The following HEATR4 variants were observed in gnomAD, a reference collection of about 807,000 sequenced individuals.
HEATR4 encodes the protein HEAT repeat containing 4.
Under a neutral mutation model 108.8 loss-of-function variants are expected in HEATR4, and 95 were observed. The observed-to-expected ratio is 0.87, with a 90% CI of 0.74 to 1.04. HEATR4 has a LOEUF of 1.04. Ranked by LOEUF, HEATR4 falls within the 50% of genes least tolerant of loss-of-function variation. HEATR4 has a pLI of 0.00. For missense variants in HEATR4, 1,152 were observed against 1,253.8 expected (o/e 0.92, Z 1.23); for synonymous variants, 443 against 459.4 (o/e 0.96, Z 0.46).
Position 73,537,070 on chromosome 14 carries a change from A to AC in HEATR4, c.-151-6827dup, listed in dbSNP as rs1420363949. On this transcript the variant is annotated intron_variant, in intron 1 of 17. Coordinates refer to ENST00000553558, the MANE Select transcript of HEATR4 (RefSeq NM_001220484.1). ...ATGATCTTGGCCAACTGCAAGCTCC[A>AC]CCCCCCGGGATCACGCCATTCTCCT... is the stretch of plus-strand genomic sequence containing the variant. The AC allele has an allele frequency of 4.4e-5, 8 of 181,446 alleles. 2 individuals are homozygous for AC. The highest frequency in any genetic ancestry group is 2.0e-4 in the African/African-American group (7 of 34,710). 11.2% of individuals were successfully genotyped at this position (181,446 alleles called of 1,614,324 possible). A position where few individuals can be genotyped will look rare whatever the true frequency, so the allele number is the denominator to read the frequency against.
intron 2 of HEATR4, among the ~76,000 whole-genome samples, chr14:73,529,379 T>TAAA (rs1566845781): frequency 1.7e-5 from 2 of 116,826 alleles, no homozygotes; most frequent in Non-Finnish European, 1.8e-5. Flanking sequence ...AAAAAAAAAT[T>TAAA]AAGTCAATCC....
chr14:73,617,868 G>A, the HEATR4 span, among the ~76,000 whole-genome samples: 2 of 151,520 alleles, frequency 1.3e-5, no homozygotes, highest in African/African-American at 2.4e-5. Flanking sequence ...ATTTTGGCCA[G>A]GTGCGGTGGC....
At chr14:73,521,930 C>T (rs1023665471) in intron 3 of HEATR4, among the ~76,000 whole-genome samples, 2 of 152,242 alleles carry the variant, frequency 1.3e-5, no homozygotes, top group Non-Finnish European at 2.9e-5. Context: ...TGGTTCCCAG[C>T]TGGGAATGAC....
intron 12 of HEATR4, 117 bp from the exon 13 acceptor site, chr14:73,499,257 G>T: frequency 1.2e-6 from 1 of 838,482 alleles, no homozygotes; most frequent in South Asian, 1.4e-5. Flanking sequence ...AAGGTGGGCG[G>T]ATCACTTGAC....
the HEATR4 span, among the ~76,000 whole-genome samples, chr14:73,567,083 A>G: frequency 6.6e-6 from 1 of 152,030 alleles, no homozygotes; most frequent in Non-Finnish European, 1.5e-5. Context: ...CTGGGATTAC[A>G]GGTGTGAGCC....
rs1293707821 is a variant in HEATR4, at chr14:73,543,968, C to T, written c.-151-13724G>A. Among the ~76,000 whole-genome samples, 6 of 107,012 alleles carry T rather than the reference C, an allele frequency of 5.6e-5. 2 individuals are homozygous for T. Among genetic ancestry groups the T allele is most frequent in the African/African-American group, 8.8e-5 (3 of 34,146 alleles). 70.2% of individuals were successfully genotyped at this position (107,012 alleles called of 152,430 possible). On this transcript the variant is annotated intron_variant, in intron 1 of 17. Coordinates refer to ENST00000553558, the MANE Select transcript of HEATR4 (RefSeq NM_001220484.1). Reference sequence around the variant, plus strand: ...TAACATCAATTAACAGTGTCTGGTACGTAAATGGAGTTCAATAATTATTTG... The same window carrying T: ...TAACATCAATTAACAGTGTCTGGTATGTAAATGGAGTTCAATAATTATTTG...
At position 73,525,004 on chromosome 14, in the gene HEATR4, G is replaced by A. The variant is rs190691499; in HGVS notation, c.-72-1780C>T. Among the ~76,000 whole-genome samples, 3 of 152,156 alleles carry A rather than the reference G, an allele frequency of 2.0e-5. No individual in the cohort carries two copies. The East Asian group carries it at 5.8e-4, about 29-fold the overall frequency. On this transcript the variant is annotated intron_variant, in intron 2 of 17. Transcript: ENST00000553558. ...TTGTATTTCTTTCTGTTAAGGGCAA[G>A]TTCTTTTTTGTGTGTTTTTTTTCTT...
At chr14:73,575,908 TTGGGAGGCTGAGG>T in the HEATR4 span, among the ~76,000 whole-genome samples, 16 of 151,990 alleles carry the variant, frequency 1.1e-4, 1 homozygote, top group Non-Finnish European at 2.1e-4. Context: ...TGCCAGCACT[TTGGGAGGCTGAGG>T]TGGGCGGATC....
the HEATR4 span, among the ~76,000 whole-genome samples, chr14:73,605,837 C>T: frequency 9.2e-5 from 14 of 152,034 alleles, no homozygotes; most frequent in Non-Finnish European, 1.9e-4. Flanking sequence ...TCCCAAAGTA[C>T]TGGGATTACA....
At chr14:73,496,572 T>G in intron 15 of HEATR4, 29 bp downstream of exon 15, 1 of 1,451,902 alleles carries the variant, frequency 6.9e-7, no homozygotes, top group Middle Eastern at 1.7e-4. Flanking sequence ...CTGAATTTTC[T>G]CTTGAGAACA....
the HEATR4 span, among the ~76,000 whole-genome samples, chr14:73,590,087 G>A: frequency 1.3e-5 from 2 of 152,178 alleles, no homozygotes; most frequent in African/African-American, 2.4e-5. Context: ...CCGCAACGTA[G>A]AAAAGAACCC....
chr14:73,618,120 G>A, the HEATR4 span, among the ~76,000 whole-genome samples: 1 of 151,934 alleles, frequency 6.6e-6, no homozygotes, highest in Non-Finnish European at 1.5e-5. Flanking sequence ...TCTAGACTGG[G>A]CAACAAGAAT....
the HEATR4 span, among the ~76,000 whole-genome samples, chr14:73,606,216 C>T: frequency 1.3e-5 from 2 of 151,968 alleles, no homozygotes; most frequent in African/African-American, 4.8e-5. Flanking sequence ...ATTATCCAGC[C>T]ATGATGGTGC....
intron 2 of HEATR4, 95 bp from the exon 3 acceptor site, chr14:73,523,319 T>A (rs1482301943): frequency 1.5e-5 from 9 of 619,892 alleles, no homozygotes; most frequent in Non-Finnish European, 2.2e-5. Flanking sequence ...GAAAAACAGA[T>A]GGAAAGGGGG....
At chr14:73,600,450 C>A in the HEATR4 span, among the ~76,000 whole-genome samples, 3 of 151,862 alleles carry the variant, frequency 2.0e-5, no homozygotes, top group Non-Finnish European at 2.9e-5. Flanking sequence ...TCAGCCAGAA[C>A]AATTTTCTTT....
At chr14:73,490,105 T>A (rs570989218) in intron 17 of HEATR4, among the ~76,000 whole-genome samples, 1 of 152,016 alleles carries the variant, frequency 6.6e-6, no homozygotes, top group African/African-American at 2.4e-5. Flanking sequence ...TCCTGGGGAG[T>A]CTCTAGTAAC....
chr14:73,615,493 G>A, the HEATR4 span, among the ~76,000 whole-genome samples: 1 of 151,506 alleles, frequency 6.6e-6, no homozygotes, highest in East Asian at 1.9e-4. Context: ...CACTTCGGGA[G>A]GCCAAGGTGG....
chr14:73,492,809 T>C lies in HEATR4; in HGVS notation c.2844+257A>G. 6 of 1,613,932 alleles carry C rather than the reference T, an allele frequency of 3.7e-6. No individual in the cohort carries two copies. Among genetic ancestry groups the C allele is most frequent in the Non-Finnish European group, 5.1e-6 (6 of 1,179,884 alleles). On this transcript the variant is annotated intron_variant, in intron 17 of 17. Coordinates refer to ENST00000553558, the MANE Select transcript of HEATR4 (RefSeq NM_001220484.1). This position sits in a 1 kb window ranked among gnomAD's most constrained non-coding sequence, Gnocchi z 4.9. ...CCAGCAAGCTGATGCCATGGAACTG[T>C]TGCTTGGTTCTTATCCAGAGTTTGT...
the HEATR4 span, among the ~76,000 whole-genome samples, chr14:73,626,407 G>C: frequency 6.6e-6 from 1 of 152,198 alleles, no homozygotes; most frequent in African/African-American, 2.4e-5. Flanking sequence ...GCCCAATCCA[G>C]AGCAAGGCCC....
Sources: gnomAD v4.1 joint callset for allele counts (sites outside exome capture counted in the v4.1 genomes callset) on GRCh38, gnomAD v4.1.1 for gene constraint, Gnocchi (gnomAD v3.1) non-coding constraint, MANE v1.5 for transcripts, NCBI Gene and HGNC (gene_info 2026-07-23, HGNC 2026-07-21) for gene names.